Variants in USP24 observed in about 807,000 individuals in gnomAD.
USP24 encodes ubiquitin specific peptidase 24.
In USP24, 97 loss-of-function variants were observed where a neutral mutation model predicts 361.6. The observed-to-expected ratio is 0.27, with a 90% CI of 0.23 to 0.32. USP24 has a LOEUF of 0.32. USP24 is among the 10% of genes least tolerant of loss of function. The probability of loss-of-function intolerance (pLI) is 1.00; values close to 1 mark genes in which losing one functional copy is unlikely to be tolerated. For synonymous variants in USP24, 1,098 were observed against 1,124.6 expected (o/e 0.98, Z 0.47); for missense variants, 2,353 against 3,165.6 (o/e 0.74, Z 6.16).
At chr1:55,091,603 C>T (rs539221882) in intron 54 of USP24, among the ~76,000 whole-genome samples, 4 of 152,312 alleles carry the variant, frequency 2.6e-5, no homozygotes, top group South Asian at 2.1e-4. Flanking sequence ...GTCTCTCACA[C>T]GTCCTACTAA....
At position 55,083,852 on chromosome 1, in the gene USP24, C is replaced by A. The variant is rs755239893; in HGVS notation, c.6802G>T (p.Ala2268Ser). Residue 2268 changes from alanine to serine, a missense_variant, in exon 57 of 68, where the codon GCT (alanine) becomes TCT (serine). Physicochemically the swap from Ala to Ser is moderately conservative, Grantham distance 99. Coordinates refer to ENST00000294383, the MANE Select transcript of USP24 (RefSeq NM_015306.3). ...SLHQLLEVLL[A>S]LLDKDVPENC... ...TCTGGGACGTCTTTGTCCAACAGAG[C>A]AAGTAGTACCTCCAGTAACTGATGA... 4 of 1,603,690 alleles carry A rather than the reference C, an allele frequency of 2.5e-6. No homozygotes were observed. The highest frequency in any genetic ancestry group is 3.4e-6 in the Non-Finnish European group (4 of 1,174,764).
At chr1:55,070,758 C>T (rs1021816314) in intron 67 of USP24, among the ~76,000 whole-genome samples, 1 of 152,094 alleles carries the variant, frequency 6.6e-6, no homozygotes, top group African/African-American at 2.4e-5. Flanking sequence ...TGTGCTGAGA[C>T]GTCGCTGGGA....
Position 55,107,271 on chromosome 1 carries a change from A to G in USP24, c.4730T>C (p.Leu1577Pro), listed in dbSNP as rs1460494551. ...TTCCTTTTCTGCCCCACAGAGTGAA[A>G]GAAGGGTCTTGATGAGGCGTAAGTG... ...AGHLRLIKTL[L>P]SLCGAEKEML... Residue 1577 changes from leucine (L) to proline (P), a missense_variant, in exon 40 of 68, where the codon CTT becomes CCT. Physicochemically the swap from Leu to Pro is moderately conservative, Grantham distance 98 (BLOSUM62 -3). Transcript: ENST00000294383. 6.2e-7 allele frequency: 1 copy of G among 1,612,744 alleles called. No homozygotes were observed. The highest frequency in any genetic ancestry group is 2.2e-5 in the East Asian group (1 of 44,862).
intron 55 of USP24, chr1:55,086,266 T>G: frequency 1.8e-6 from 1 of 568,222 alleles, no homozygotes; most frequent in Non-Finnish European, 3.1e-6. Context: ...ACTAAGACTC[T>G]ATGTGGCAAC....
intron 7 of USP24, 43 bp from the exon 8 acceptor site, chr1:55,162,307 T>G: frequency 1.4e-6 from 2 of 1,466,516 alleles, no homozygotes; most frequent in South Asian, 1.5e-5. Flanking sequence ...TTGAGAGGAT[T>G]TTTTTCCTGT....
chr1:55,196,395 C>T (rs1222696193), intron 1 of USP24, among the ~76,000 whole-genome samples: 2 of 152,138 alleles, frequency 1.3e-5, no homozygotes, highest in African/African-American at 4.8e-5. Context: ...TTTTTCTTAA[C>T]CATCCTATCC....
intron 36 of USP24, among the ~76,000 whole-genome samples, chr1:55,121,885 A>G (rs1443193505): frequency 1.3e-5 from 2 of 152,230 alleles, no homozygotes; most frequent in Non-Finnish European, 2.9e-5. Flanking sequence ...TTGATTTGAA[A>G]ATATCTCTAA....
intron 32 of USP24, among the ~76,000 whole-genome samples, chr1:55,126,845 T>C (rs1216488798): frequency 2.0e-5 from 3 of 152,198 alleles, no homozygotes; most frequent in Non-Finnish European, 4.4e-5. Flanking sequence ...CCTCTGCTCA[T>C]GCTTTGAGCT....
chr1:55,142,011 T>TA (rs1315711310), intron 23 of USP24, among the ~76,000 whole-genome samples: 3 of 152,158 alleles, frequency 2.0e-5, no homozygotes, highest in Admixed American at 2.0e-4. Context: ...TGGGACCTCA[T>TA]AAGGGGTATT....
chr1:55,116,481 G>T (rs1450763422), intron 38 of USP24, among the ~76,000 whole-genome samples: 1 of 151,852 alleles, frequency 6.6e-6, no homozygotes. Flanking sequence ...AATGAAAGTG[G>T]GTACATAACT....
chr1:55,129,741 A>G (rs1296786434), intron 31 of USP24, among the ~76,000 whole-genome samples, 167 bp from the exon 32 acceptor site: 1 of 152,134 alleles, frequency 6.6e-6, no homozygotes, highest in Non-Finnish European at 1.5e-5. Context: ...AAATAATCAC[A>G]TTTTCCCTAT....
At chr1:55,154,552 A>G in intron 13 of USP24, 86 bp from the exon 14 acceptor site, 1 of 1,484,314 alleles carries the variant, frequency 6.7e-7, no homozygotes, top group Non-Finnish European at 9.2e-7. Context: ...AAAAACATTA[A>G]CAACGTAAGA....
chr1:55,107,865 A>AAAAAAAC (rs1379674224), intron 39 of USP24, among the ~76,000 whole-genome samples: 5 of 147,052 alleles, frequency 3.4e-5, no homozygotes, highest in South Asian at 2.1e-4. Context: ...AAAAAAAAAA[A>AAAAAAAC]ACACACAAAA....
chr1:55,135,548 T>C (rs1163325696), intron 28 of USP24, among the ~76,000 whole-genome samples: 1 of 152,190 alleles, frequency 6.6e-6, no homozygotes, highest in Non-Finnish European at 1.5e-5. Flanking sequence ...ATGAATTTAG[T>C]GTTTGGATTT....
chr1:55,190,496 G>A (rs1268089827), intron 1 of USP24, among the ~76,000 whole-genome samples: 3 of 152,164 alleles, frequency 2.0e-5, no homozygotes, highest in South Asian at 2.1e-4. Flanking sequence ...GCTCAGTATC[G>A]TTCTATTGCA....
At chr1:55,070,095 C>A (rs529240104) in intron 67 of USP24, among the ~76,000 whole-genome samples, 36 of 151,966 alleles carry the variant, frequency 2.4e-4, no homozygotes, top group African/African-American at 7.2e-4. Flanking sequence ...GAGGGACGAG[C>A]ACCCTTTCAA....
intron 5 of USP24, among the ~76,000 whole-genome samples, chr1:55,170,328 T>G (rs1347067517): frequency 2.0e-5 from 3 of 152,058 alleles, no homozygotes; most frequent in Non-Finnish European, 4.4e-5. Context: ...TGGGTCTCAG[T>G]GGATGCATAC....
chr1:55,146,245 C>G (rs1647026287), intron 19 of USP24, 136 bp from the exon 20 acceptor site: 1 of 548,612 alleles, frequency 1.8e-6, no homozygotes. Flanking sequence ...AGCTAAAATG[C>G]TTGGAATTCT....
At position 55,075,659 on chromosome 1, in the gene USP24, ACAACAACAC is replaced by A. The variant is rs766158309; in HGVS notation, c.7381-145_7381-137del. The stretch of plus-strand genomic sequence containing the variant: ...AACAACAACAACAACAACAACAACA[ACAACAACAC>A]CACCACCACCAATACAGGACGGGCA... On this transcript the variant is annotated intron_variant, in intron 62 of 67. Coordinates refer to ENST00000294383, the MANE Select transcript of USP24 (RefSeq NM_015306.3). The A allele has an allele frequency of 9.8e-3, 4,943 of 503,754 alleles. 124 individuals are homozygous for A. The African/African-American group carries it at 0.11, about 12-fold the overall frequency. 31.2% of individuals were successfully genotyped at this position (503,754 alleles called of 1,614,324 possible).
Sources: gnomAD v4.1 joint callset for allele counts (sites outside exome capture counted in the v4.1 genomes callset) on GRCh38, gnomAD v4.1.1 for gene constraint, MANE v1.5 for transcripts, NCBI Gene and HGNC (gene_info 2026-07-23, HGNC 2026-07-21) for gene names.